The following ANK3 variants were observed in gnomAD, a reference collection of about 807,000 sequenced individuals.
ANK3 encodes the protein ankyrin 3, also known as ankyrin-3.
Under a neutral mutation model 370.9 loss-of-function variants are expected in ANK3, and 57 were observed. The ratio of observed to expected loss-of-function variants is 0.15; its 90% CI spans 0.12 to 0.19. The LOEUF is 0.19. Ranked by LOEUF, ANK3 falls within the 10% of genes least tolerant of loss-of-function variation. ANK3 has a pLI of 1.00. For synonymous variants in ANK3, 1,929 were observed against 1,946.3 expected (o/e 0.99, Z 0.23); for missense variants, 4,439 against 5,302.1 (o/e 0.84, Z 5.06).
chr10:60,387,280 C>T (rs753700638), intron 1 of ANK3, among the ~76,000 whole-genome samples: 3 of 152,038 alleles, frequency 2.0e-5, no homozygotes, highest in Non-Finnish European at 2.9e-5. Flanking sequence ...CAACATGGAA[C>T]GAAGTAGCCC....
intron 36 of ANK3, among the ~76,000 whole-genome samples, chr10:60,076,983 G>A (rs1345870903): frequency 6.6e-6 from 1 of 152,132 alleles, no homozygotes; most frequent in South Asian, 2.1e-4. Context: ...TTCAATATAT[G>A]TAGCTATACA....
At chr10:60,730,447 C>G (rs562807844) in intron 1 of ANK3, among the ~76,000 whole-genome samples, 1 of 152,282 alleles carries the variant, frequency 6.6e-6, no homozygotes, top group South Asian at 2.1e-4. Flanking sequence ...CATAAACCAC[C>G]ATGCCTGCTC....
intron 1 of ANK3, among the ~76,000 whole-genome samples, chr10:60,628,578 G>A (rs12256240): frequency 3.0e-3 from 452 of 152,274 alleles, no homozygotes; most frequent in African/African-American, 9.7e-3. Flanking sequence ...CTTCAGGAAA[G>A]ATTGTTGGAG....
chr10:60,213,523 G>A lies in ANK3; in HGVS notation c.898-13C>T, dbSNP rs368836380. 150 of 1,549,094 alleles carry A rather than the reference G, an allele frequency of 9.7e-5. No individual in the cohort carries two copies. The East Asian group carries it at 3.2e-3, about 33-fold the overall frequency. Reference sequence around the variant, plus strand: ...GTGTCAGACCATCCTGTTGAACAAAGGAAACATCACCAATTAAATTTGACA... The same window carrying A: ...GTGTCAGACCATCCTGTTGAACAAAAGAAACATCACCAATTAAATTTGACA... On this transcript the variant is annotated splice_polypyrimidine_tract_variant and intron_variant, in intron 8 of 43. Coordinates refer to ENST00000280772, the MANE Select transcript of ANK3 (RefSeq NM_020987.5).
At position 60,260,411 on chromosome 10, in the gene ANK3, C is replaced by T. The variant is rs1371405346; in HGVS notation, c.798+1448G>A. On this transcript the variant is annotated intron_variant, in intron 7 of 43. Transcript: ENST00000280772. ...TGCAACTACCACTGTACTGCTGTTG[C>T]TAGCATTATACACTATCTCCCTATC... Among the ~76,000 whole-genome samples, 7 of 152,284 alleles carry T rather than the reference C, an allele frequency of 4.6e-5. No individual in the cohort carries two copies. The East Asian group carries it at 1.3e-3, about 29-fold the overall frequency.
intron 7 of ANK3, among the ~76,000 whole-genome samples, chr10:60,240,727 G>T (rs941655448): frequency 2.0e-5 from 3 of 152,042 alleles, no homozygotes; most frequent in Admixed American, 1.3e-4. Flanking sequence ...GAGTAGCTGG[G>T]ATTACAGGTG....
At chr10:60,641,310 C>T (rs960214341) in intron 1 of ANK3, among the ~76,000 whole-genome samples, 3 of 151,424 alleles carry the variant, frequency 2.0e-5, no homozygotes, top group Non-Finnish European at 4.4e-5. Flanking sequence ...CAAAAAAGAG[C>T]CCGCATCGCC....
intron 1 of ANK3, among the ~76,000 whole-genome samples, chr10:60,288,069 C>G (rs1255891913): frequency 1.3e-5 from 2 of 152,114 alleles, no homozygotes; most frequent in East Asian, 3.9e-4. Flanking sequence ...TGAAAGCAAC[C>G]TAGATATCTT....
chr10:60,628,497 G>A (rs2078439703), intron 1 of ANK3, among the ~76,000 whole-genome samples: 1 of 152,152 alleles, frequency 6.6e-6, no homozygotes. Flanking sequence ...GCTGAATTAT[G>A]ACCCTATGAT....
At chr10:60,233,556 T>G (rs1019083791) in intron 8 of ANK3, among the ~76,000 whole-genome samples, 1 of 152,102 alleles carries the variant, frequency 6.6e-6, no homozygotes, top group African/African-American at 2.4e-5. Flanking sequence ...CTCAGCCTGT[T>G]GTACAGCCAA....
chr10:60,526,829 A>G (rs533990383), intron 2 of ANK3, among the ~76,000 whole-genome samples: 11 of 152,264 alleles, frequency 7.2e-5, no homozygotes, highest in African/African-American at 2.6e-4. Flanking sequence ...TTTAATGCTC[A>G]TAGAGAAAAC....
At chr10:60,216,017 A>G (rs2096931157) in intron 8 of ANK3, among the ~76,000 whole-genome samples, 1 of 152,146 alleles carries the variant, frequency 6.6e-6, no homozygotes. Context: ...ATCCTCTCTT[A>G]CATCCTTGAG....
intron 1 of ANK3, among the ~76,000 whole-genome samples, chr10:60,697,821 T>G (rs1167460676): frequency 6.6e-6 from 1 of 151,976 alleles, no homozygotes; most frequent in Non-Finnish European, 1.5e-5. Flanking sequence ...ACCTAGGCAT[T>G]ACCATTCAGG....
chr10:60,415,916 G>GTCCCC (rs1567021986), intron 2 of ANK3, among the ~76,000 whole-genome samples: 1 of 81,190 alleles, frequency 1.2e-5, no homozygotes, highest in Non-Finnish European at 2.6e-5. Flanking sequence ...CTGAATTTGT[G>GTCCCC]CCCCCCACCC....
Position 60,172,417 on chromosome 10 carries a change from A to T in ANK3, c.2383-14T>A. 1 of 1,610,290 alleles carries T rather than the reference A, an allele frequency of 6.2e-7. No homozygotes were observed. Among genetic ancestry groups the T allele is most frequent in the Non-Finnish European group, 8.5e-7 (1 of 1,176,676 alleles). ...AGTATTCCCATTCTGGCAAAAGGAA[A>T]ATGTGAGTGAGGAATTAGCAAGCCT... is the stretch of plus-strand genomic sequence containing the variant. On this transcript the variant is annotated splice_polypyrimidine_tract_variant and intron_variant, in intron 20 of 43. Coordinates refer to ENST00000280772, the MANE Select transcript of ANK3 (RefSeq NM_020987.5).
intron 1 of ANK3, among the ~76,000 whole-genome samples, chr10:60,687,555 T>C (rs917242732): frequency 2.1e-5 from 3 of 143,492 alleles, no homozygotes; most frequent in South Asian, 2.2e-4. Flanking sequence ...CACACACACA[T>C]GCACAACAAG....
At chr10:60,438,933 CT>C (rs1298595031) in intron 2 of ANK3, among the ~76,000 whole-genome samples, 2 of 152,192 alleles carry the variant, frequency 1.3e-5, no homozygotes, top group African/African-American at 4.8e-5. Flanking sequence ...CATCTCTCCC[CT>C]AAGAGTCTTA....
At chr10:60,345,542 C>T (rs957401756) in intron 1 of ANK3, among the ~76,000 whole-genome samples, 7 of 152,104 alleles carry the variant, frequency 4.6e-5, no homozygotes, top group Non-Finnish European at 8.8e-5. Context: ...GTACCCAACA[C>T]AAAATGGCTG....
intron 7 of ANK3, among the ~76,000 whole-genome samples, chr10:60,252,800 T>G (rs1255876569): frequency 6.6e-6 from 1 of 152,170 alleles, no homozygotes; most frequent in Non-Finnish European, 1.5e-5. Flanking sequence ...TACTTCTGGA[T>G]GTACTTTAGA....
Sources: allele counts gnomAD v4.1 joint callset (sites outside exome capture counted in the v4.1 genomes callset), GRCh38; gene constraint gnomAD v4.1.1; transcripts MANE v1.5; gene names NCBI Gene and HGNC (gene_info 2026-07-23, HGNC 2026-07-21).